Variants in R3HDM1 observed in about 807,000 individuals in gnomAD.
R3HDM1 encodes R3H domain containing 1.
R3HDM1 carries 46 observed loss-of-function variants against 141.1 expected under a neutral mutation model. The ratio of observed to expected loss-of-function variants is 0.33; its 90% CI spans 0.26 to 0.42. The LOEUF (loss-of-function observed/expected upper bound fraction) is 0.42, where lower values mean the gene tolerates loss of function less well. R3HDM1 is among the 10% of genes least tolerant of loss of function. The pLI is 1.00. For missense variants in R3HDM1, 1,184 were observed against 1,368.3 expected, an observed-to-expected ratio of 0.87 and a Z score of 2.12; for synonymous variants, 435 against 472.9, an observed-to-expected ratio of 0.92 and a Z score of 1.04.
intron 19 of R3HDM1, among the ~76,000 whole-genome samples, chr2:135,663,276 T>G (rs895197340): frequency 6.6e-6 from 1 of 152,198 alleles, no homozygotes; most frequent in African/African-American, 2.4e-5. Context: ...CTGATGCTAG[T>G]TATGATGAGA....
chr2:135,564,328 T>G (rs1421683689), intron 1 of R3HDM1, among the ~76,000 whole-genome samples: 1 of 152,224 alleles, frequency 6.6e-6, no homozygotes, highest in African/African-American at 2.4e-5. Context: ...TTTTTTGTTT[T>G]GTTTTGTTTT....
At chr2:135,642,559 A>G (rs578026655) in intron 15 of R3HDM1, among the ~76,000 whole-genome samples, 16 of 152,228 alleles carry the variant, frequency 1.1e-4, no homozygotes, top group Admixed American at 3.3e-4. Flanking sequence ...GTAAAAGATC[A>G]CAAGAAGTCT....
At chr2:135,674,994 T>C (rs1020889442) in intron 19 of R3HDM1, among the ~76,000 whole-genome samples, 2 of 152,048 alleles carry the variant, frequency 1.3e-5, no homozygotes, top group African/African-American at 2.4e-5. Flanking sequence ...TCTGGGCTCA[T>C]GTTATGTAGC....
At chr2:135,592,892 T>C (rs2105068578) in intron 1 of R3HDM1, among the ~76,000 whole-genome samples, 1 of 152,174 alleles carries the variant, frequency 6.6e-6, no homozygotes, top group Middle Eastern at 3.4e-3. Flanking sequence ...ACTGCGGGCA[T>C]GTGCCACCAT....
chr2:135,580,382 A>G (rs1163342078), intron 1 of R3HDM1, among the ~76,000 whole-genome samples: 1 of 152,228 alleles, frequency 6.6e-6, no homozygotes, highest in Non-Finnish European at 1.5e-5. Context: ...GGCTCTCACT[A>G]TTTGAACTAA....
Position 135,641,789 on chromosome 2 carries a change from A to T in R3HDM1, c.1473A>T (p.Thr491=), listed in dbSNP as rs1222210108. 6.3e-7 allele frequency: 1 copy of T among 1,594,626 alleles called. No homozygotes were observed. Among genetic ancestry groups the T allele is most frequent in the Non-Finnish European group, 8.5e-7 (1 of 1,172,832 alleles). Residue 491 remains threonine (T), a splice_region_variant and synonymous_variant, in exon 15 of 27, where the codon ACA becomes ACT. Coordinates refer to ENST00000683871, the MANE Select transcript of R3HDM1 (RefSeq NM_001378107.1). The part of the protein sequence containing the change: ...PPGSILINPQ[T]GQPFINPDGS... ...GCAGTATTCTGATCAACCCACAAAC[A>T]GGTTGGTATCCAGAAAAAGGTGTTT...
chr2:135,590,467 T>C (rs993910816), intron 1 of R3HDM1: 1 of 823,224 alleles, frequency 1.2e-6, no homozygotes, highest in Non-Finnish European at 1.5e-6. Flanking sequence ...AAGAAACCCA[T>C]GGGTTAAATA....
chr2:135,719,599 A>C (rs1320764811), intron 24 of R3HDM1, among the ~76,000 whole-genome samples: 1 of 152,234 alleles, frequency 6.6e-6, no homozygotes, highest in Non-Finnish European at 1.5e-5. Flanking sequence ...AGGGGTGATC[A>C]CAGTTGAACC....
intron 12 of R3HDM1, 28 bp downstream of exon 12, chr2:135,638,683 G>C (rs1331697593): frequency 6.2e-7 from 1 of 1,611,128 alleles, no homozygotes. Flanking sequence ...ATCTGTTTTG[G>C]TAATTGTCTG....
chr2:135,650,448 TAAG>T (rs1188396584), intron 17 of R3HDM1: 11 of 982,510 alleles, frequency 1.1e-5, no homozygotes, highest in African/African-American at 8.7e-5. Flanking sequence ...GTATATTTTC[TAAG>T]AAGATTTCTG....
intron 26 of R3HDM1, 123 bp from the exon 27 acceptor site, chr2:135,723,814 T>TA (rs1167391118): frequency 1.9e-5 from 7 of 372,170 alleles, no homozygotes; most frequent in Non-Finnish European, 3.6e-5. Context: ...AAGATGGCCC[T>TA]AACAGTTTTA....
chr2:135,578,836 CATT>C (rs1574018438), intron 1 of R3HDM1, among the ~76,000 whole-genome samples: 2 of 152,122 alleles, frequency 1.3e-5, no homozygotes, highest in Non-Finnish European at 2.9e-5. Flanking sequence ...TCAGACTTCT[CATT>C]GTTGTATAAA....
intron 19 of R3HDM1, chr2:135,669,357 C>T (rs1465737000): frequency 1.0e-6 from 1 of 985,282 alleles, no homozygotes; most frequent in Non-Finnish European, 1.2e-6. Flanking sequence ...ACTCTGATTC[C>T]TATTTTGAAT....
intron 2 of R3HDM1, 133 bp downstream of exon 2, chr2:135,602,841 C>A: frequency 2.7e-6 from 2 of 745,332 alleles, no homozygotes; most frequent in Non-Finnish European, 3.9e-6. Flanking sequence ...CGGAATGAAC[C>A]AATTAACTTT....
At chr2:135,699,649 G>A (rs758760144) in intron 21 of R3HDM1, among the ~76,000 whole-genome samples, 1 of 152,128 alleles carries the variant, frequency 6.6e-6, no homozygotes, top group South Asian at 2.1e-4. Context: ...CTAAAGTTTT[G>A]TAAATGTAGA....
intron 1 of R3HDM1, among the ~76,000 whole-genome samples, chr2:135,596,807 TACA>T (rs1048492273): frequency 6.6e-6 from 1 of 152,212 alleles, no homozygotes; most frequent in Non-Finnish European, 1.5e-5. Context: ...TTCCTATTAA[TACA>T]ACATTTGGTC....
intron 1 of R3HDM1, among the ~76,000 whole-genome samples, chr2:135,542,451 T>A (rs1377856636): frequency 1.3e-5 from 2 of 152,222 alleles, no homozygotes; most frequent in Non-Finnish European, 2.9e-5. Context: ...TTTTTCTAAA[T>A]GTCAGTTCTT....
chr2:135,684,717 G>A (rs918276774), intron 21 of R3HDM1, among the ~76,000 whole-genome samples: 2 of 151,776 alleles, frequency 1.3e-5, no homozygotes, highest in African/African-American at 4.8e-5. Flanking sequence ...GAATTGGGTG[G>A]TGAGTTTTAG....
chr2:135,699,044 T>TA (rs371803921), intron 21 of R3HDM1, among the ~76,000 whole-genome samples: 2 of 100,330 alleles, frequency 2.0e-5, no homozygotes, highest in African/African-American at 3.3e-5. Context: ...GATAGATAGA[T>TA]AAGATAGATA....
Sources: allele counts gnomAD v4.1 joint callset (sites outside exome capture counted in the v4.1 genomes callset), GRCh38; gene constraint gnomAD v4.1.1; transcripts MANE v1.5; gene names NCBI Gene and HGNC (gene_info 2026-07-23, HGNC 2026-07-21).